Variants in CCDC7 observed in about 807,000 individuals in gnomAD.
The protein encoded by CCDC7 is coiled-coil domain containing 7, also known as coiled-coil domain-containing protein 7.
Under a neutral mutation model 196.9 loss-of-function variants are expected in CCDC7, and 183 were observed. That is an observed-to-expected ratio of 0.93 (90% CI 0.82 to 1.05). The LOEUF is 1.05. Ranked by LOEUF, CCDC7 falls within the 50% of genes least tolerant of loss-of-function variation. The pLI, the probability that CCDC7 is intolerant of heterozygous loss-of-function variation, is 0.00. For missense variants in CCDC7, 1,540 were observed against 1,482.2 expected (o/e 1.04, Z -0.64); for synonymous variants, 525 against 484.6 (o/e 1.08, Z -1.10).
chr10:32,682,897 C>T (rs905703798), intron 21 of CCDC7, among the ~76,000 whole-genome samples: 2 of 152,060 alleles, frequency 1.3e-5, no homozygotes, highest in Non-Finnish European at 2.9e-5. Flanking sequence ...GATATTACAC[C>T]TTTGTTAGAT....
intron 16 of CCDC7, among the ~76,000 whole-genome samples, chr10:32,574,095 T>C (rs1335740049): frequency 6.6e-6 from 1 of 152,102 alleles, no homozygotes; most frequent in African/African-American, 2.4e-5. Flanking sequence ...CAGGGAAATG[T>C]GAGGAAAGGG....
chr10:32,846,319 C>T, intron 36 of CCDC7, 57 bp from the exon 38 acceptor site: 1 of 1,017,190 alleles, frequency 9.8e-7, no homozygotes, highest in African/African-American at 1.6e-5. Flanking sequence ...CACACGTATA[C>T]ACATGTATGG....
intron 32 of CCDC7, among the ~76,000 whole-genome samples, chr10:32,828,531 G>GAA (rs2091704936): frequency 6.6e-6 from 1 of 150,514 alleles, no homozygotes; most frequent in Non-Finnish European, 1.5e-5. Flanking sequence ...AGAAGAAGAA[G>GAA]AAGAAGAAGA....
intron 23 of CCDC7, among the ~76,000 whole-genome samples, chr10:32,694,218 T>A (rs1424849889): frequency 6.6e-6 from 1 of 152,190 alleles, no homozygotes; most frequent in Non-Finnish European, 1.5e-5. Flanking sequence ...AACCACAAAT[T>A]GGGTAAATAA....
At chr10:32,473,139 C>T (rs1013561048) in intron 7 of CCDC7, among the ~76,000 whole-genome samples, 3 of 152,046 alleles carry the variant, frequency 2.0e-5, no homozygotes, top group Non-Finnish European at 4.4e-5. Flanking sequence ...AGTAAGGATA[C>T]AAGTACATTA....
chr10:32,627,216 T>C (rs2064176223), intron 18 of CCDC7, among the ~76,000 whole-genome samples: 1 of 151,942 alleles, frequency 6.6e-6, no homozygotes, highest in Admixed American at 6.6e-5. Flanking sequence ...TCAATTGTTT[T>C]ATCATTTTTA....
intron 21 of CCDC7, among the ~76,000 whole-genome samples, chr10:32,684,358 C>T (rs1328047914): frequency 6.6e-6 from 1 of 152,156 alleles, no homozygotes; most frequent in Non-Finnish European, 1.5e-5. Flanking sequence ...CTTTCTGTGT[C>T]AGTCTGGGGG....
intron 21 of CCDC7, among the ~76,000 whole-genome samples, chr10:32,668,839 C>G (rs147116840): frequency 6.6e-6 from 1 of 152,072 alleles, no homozygotes; most frequent in East Asian, 1.9e-4. Context: ...TTTATGTTAT[C>G]TGACCAAGAT....
At chr10:32,871,572 T>C (rs1446952267) in intron 41 of CCDC7, among the ~76,000 whole-genome samples, 6 of 151,644 alleles carry the variant, frequency 4.0e-5, no homozygotes, top group Non-Finnish European at 7.3e-5. Flanking sequence ...CATTGATTTT[T>C]TGAAGGGTTT....
At chr10:32,630,448 A>G (rs1240083866) in intron 18 of CCDC7, among the ~76,000 whole-genome samples, 2 of 152,014 alleles carry the variant, frequency 1.3e-5, no homozygotes, top group Admixed American at 6.6e-5. Context: ...GCTGTTCTCA[A>G]TGTGAGGTTA....
intron 31 of CCDC7, among the ~76,000 whole-genome samples, chr10:32,815,316 A>G (rs528090448): frequency 1.1e-4 from 17 of 151,974 alleles, no homozygotes; most frequent in Non-Finnish European, 1.6e-4. Context: ...TAATAATAAT[A>G]TCATCAAATA....
At chr10:32,880,151 A>C (rs756648242), downstream of CCDC7, among the ~76,000 whole-genome samples, 10 of 152,144 alleles carry the variant, frequency 6.6e-5, no homozygotes, top group Non-Finnish European at 1.3e-4. Flanking sequence ...TGGTTGAACT[A>C]GTTTACACTC....
At chr10:32,706,841 CA>C (rs533835875) in intron 24 of CCDC7, among the ~76,000 whole-genome samples, 106 of 152,158 alleles carry the variant, frequency 7.0e-4, no homozygotes, top group African/African-American at 2.4e-3. Context: ...GCTTAGCAAC[CA>C]AAAAAGGTCC....
chr10:32,767,794 C>CA (rs897891784), intron 28 of CCDC7, among the ~76,000 whole-genome samples: 1 of 152,022 alleles, frequency 6.6e-6, no homozygotes, highest in African/African-American at 2.4e-5. Context: ...CCAGTTCTGG[C>CA]AAAATGGAGA....
chr10:32,835,796 CTA>C (rs1461930879), intron 33 of CCDC7, among the ~76,000 whole-genome samples: 7 of 151,842 alleles, frequency 4.6e-5, no homozygotes, highest in African/African-American at 1.7e-4. Context: ...ACAAGTTTAC[CTA>C]TGTAACAAAC....
At chr10:32,832,678 TAAGA>T (rs1310649339) in intron 32 of CCDC7, among the ~76,000 whole-genome samples, 1 of 152,232 alleles carries the variant, frequency 6.6e-6, no homozygotes, top group East Asian at 1.9e-4. Context: ...AAAAAAAACT[TAAGA>T]AAGTTCCTCA....
intron 24 of CCDC7, among the ~76,000 whole-genome samples, chr10:32,700,473 T>C (rs576699770): frequency 6.6e-6 from 1 of 150,552 alleles, no homozygotes; most frequent in Non-Finnish European, 1.5e-5. Flanking sequence ...TAGTATAGTT[T>C]GAAGTCAGGT....
chr10:32,588,612 A>G (rs924689064), intron 18 of CCDC7, among the ~76,000 whole-genome samples: 4 of 152,056 alleles, frequency 2.6e-5, no homozygotes, highest in African/African-American at 9.7e-5. Context: ...ACTGCTCTGT[A>G]TGTTTTTAAA....
intron 9 of CCDC7, among the ~76,000 whole-genome samples, chr10:32,494,463 G>A (rs1423539555): frequency 6.6e-6 from 1 of 151,648 alleles, no homozygotes; most frequent in Non-Finnish European, 1.5e-5. Flanking sequence ...TGTTACATAG[G>A]TATACATGTG....
Sources: allele counts gnomAD v4.1 joint callset (sites outside exome capture counted in the v4.1 genomes callset), GRCh38; gene constraint gnomAD v4.1.1; transcripts MANE v1.5; gene names NCBI Gene and HGNC (gene_info 2026-07-23, HGNC 2026-07-21).